The following PRKCH variants were observed in gnomAD, a reference collection of about 807,000 sequenced individuals.
PRKCH encodes protein kinase C eta type.
Under a neutral mutation model 82.5 loss-of-function variants are expected in PRKCH, and 28 were observed. That is an observed-to-expected ratio of 0.34 (90% CI 0.25 to 0.47). PRKCH has a LOEUF of 0.47. PRKCH is among the 20% of genes least tolerant of loss of function. The pLI, the probability that PRKCH is intolerant of heterozygous loss-of-function variation, is 1.00. For missense variants in PRKCH, 705 were observed against 881.8 expected, an observed-to-expected ratio of 0.80 and a Z score of 2.54; for synonymous variants, 322 against 327.4, an observed-to-expected ratio of 0.98 and a Z score of 0.18.
At chr14:61,529,905 T>TA (rs10545403) in intron 11 of PRKCH, among the ~76,000 whole-genome samples, 24 of 135,858 alleles carry the variant, frequency 1.8e-4, no homozygotes, top group African/African-American at 7.3e-4. Flanking sequence ...TAAAGTATAA[T>TA]AAAAAAAAAT....
intron 2 of PRKCH, among the ~76,000 whole-genome samples, chr14:61,434,251 A>C (rs1277465076): frequency 6.6e-6 from 1 of 152,212 alleles, no homozygotes; most frequent in African/African-American, 2.4e-5. Flanking sequence ...GTTGACAATA[A>C]TACCATTTTG....
intron 10 of PRKCH, among the ~76,000 whole-genome samples, chr14:61,486,720 G>T (rs1461698683): frequency 1.4e-5 from 2 of 145,986 alleles, no homozygotes; most frequent in African/African-American, 2.6e-5. Context: ...TGCTATTTTG[G>T]CTAGGTCGGT....
At chr14:61,276,118 T>G (rs1281903925) in intron 1 of PRKCH, among the ~76,000 whole-genome samples, 1 of 152,146 alleles carries the variant, frequency 6.6e-6, no homozygotes, top group Non-Finnish European at 1.5e-5. Context: ...TATGTAAGAA[T>G]CTCTTTGGGA....
At chr14:61,334,866 A>T (rs2045835658) in intron 1 of PRKCH, among the ~76,000 whole-genome samples, 1 of 151,916 alleles carries the variant, frequency 6.6e-6, no homozygotes, top group South Asian at 2.1e-4. Context: ...AAATTAATTA[A>T]TTAATTTATT....
intron 5 of PRKCH, among the ~76,000 whole-genome samples, chr14:61,449,643 C>T (rs1212386875): frequency 6.6e-6 from 1 of 152,244 alleles, no homozygotes; most frequent in East Asian, 1.9e-4. Context: ...CTGAATCCAG[C>T]CTCTGTTAGC....
chr14:61,285,234 A>G (rs142766025), intron 1 of PRKCH, among the ~76,000 whole-genome samples: 2 of 152,364 alleles, frequency 1.3e-5, no homozygotes, highest in Non-Finnish European at 2.9e-5. Context: ...ACACTGCCAC[A>G]CCAATGTATA....
chr14:61,358,526 T>G (rs2046181050), intron 1 of PRKCH, among the ~76,000 whole-genome samples: 1 of 152,136 alleles, frequency 6.6e-6, no homozygotes, highest in South Asian at 2.1e-4. Flanking sequence ...TGTGAGGCCT[T>G]TATCCTTACT....
intron 1 of PRKCH, among the ~76,000 whole-genome samples, chr14:61,389,635 A>G (rs1254529138): frequency 6.6e-6 from 1 of 151,758 alleles, no homozygotes; most frequent in African/African-American, 2.4e-5. Context: ...TGGGAGTTCA[A>G]GGCTGCAGTG....
At chr14:61,259,853 T>C (rs1453295827) in intron 1 of PRKCH, among the ~76,000 whole-genome samples, 2 of 152,176 alleles carry the variant, frequency 1.3e-5, no homozygotes, top group Non-Finnish European at 2.9e-5. Context: ...CCAACATGTC[T>C]GAAAGGTTAA....
At chr14:61,543,205 A>G (rs564862417) in intron 12 of PRKCH, among the ~76,000 whole-genome samples, 26 of 152,258 alleles carry the variant, frequency 1.7e-4, no homozygotes, top group African/African-American at 6.3e-4. Flanking sequence ...AATCCTTTAC[A>G]TGTCCCCTTA....
Position 61,454,031 on chromosome 14 carries a change from G to T in PRKCH, c.960+678G>T, listed in dbSNP as rs534771954. ...ATACAGTTATATGACAAGAAATAAT[G>T]AGCATGAGCAACAAGTAATAAACAG... On this transcript the variant is annotated intron_variant, in intron 7 of 13. Transcript: ENST00000332981. Among the ~76,000 whole-genome samples the T allele has an allele frequency of 3.3e-5, 5 of 152,176 alleles. No individual in the cohort carries two copies. In the East Asian group the frequency reaches 5.8e-4, roughly 18 times the overall value.
intron 1 of PRKCH, among the ~76,000 whole-genome samples, chr14:61,285,635 A>G (rs1405555958): frequency 2.6e-5 from 4 of 152,202 alleles, no homozygotes; most frequent in East Asian, 1.9e-4. Context: ...CTTTATATAC[A>G]TTGTCCCATC....
intron 1 of PRKCH, among the ~76,000 whole-genome samples, chr14:61,250,127 G>A (rs879893122): frequency 3.3e-5 from 5 of 151,016 alleles, no homozygotes; most frequent in Middle Eastern, 3.4e-3. Flanking sequence ...AGGCACGGTC[G>A]TGGGCGCCTG....
intron 1 of PRKCH, among the ~76,000 whole-genome samples, chr14:61,249,809 T>C (rs1237606337): frequency 1.3e-5 from 2 of 151,290 alleles, no homozygotes; most frequent in Non-Finnish European, 3.0e-5. Context: ...TTAGTAGAGA[T>C]GGGGTTTCAC....
chr14:61,437,258 T>C (rs1883723667), intron 2 of PRKCH, among the ~76,000 whole-genome samples: 1 of 152,230 alleles, frequency 6.6e-6, no homozygotes, highest in African/African-American at 2.4e-5. Flanking sequence ...CATCATTCTT[T>C]ATGCAAGTAG....
chr14:61,376,992 G>A (rs1011861706), intron 1 of PRKCH, among the ~76,000 whole-genome samples: 1 of 152,156 alleles, frequency 6.6e-6, no homozygotes, highest in African/African-American at 2.4e-5. Flanking sequence ...AAGTTATGGG[G>A]ATATAGATTG....
intron 1 of PRKCH, among the ~76,000 whole-genome samples, chr14:61,332,684 T>C (rs1040979176): frequency 6.6e-6 from 1 of 152,262 alleles, no homozygotes; most frequent in African/African-American, 2.4e-5. Context: ...GAGCATATTC[T>C]ATACCTCGTC....
chr14:61,222,949 A>T (rs1441999963), intron 1 of PRKCH, among the ~76,000 whole-genome samples: 3 of 152,114 alleles, frequency 2.0e-5, no homozygotes, highest in African/African-American at 7.2e-5. Context: ...AACCTGGGAG[A>T]TATTTTCAGC....
At position 61,530,084 on chromosome 14, in the gene PRKCH, C is replaced by T. The variant is rs570222833; in HGVS notation, c.1573-323C>T. On this transcript the variant is annotated intron_variant, in intron 11 of 13. Coordinates refer to ENST00000332981, the MANE Select transcript of PRKCH (RefSeq NM_006255.5). ...GGCTCTTGAATCCTTGAATCCTTCC[C>T]GTATGAGTGAGTGAACCCAGTCCCC... is the stretch of plus-strand genomic sequence containing the variant. Among the ~76,000 whole-genome samples the T allele has an allele frequency of 7.9e-5, 12 of 152,236 alleles. No homozygotes were observed. The South Asian group carries it at 2.3e-3, about 29-fold the overall frequency.
Sources: gnomAD v4.1 joint callset for allele counts (sites outside exome capture counted in the v4.1 genomes callset) on GRCh38, gnomAD v4.1.1 for gene constraint, MANE v1.5 for transcripts, NCBI Gene and HGNC (gene_info 2026-07-23, HGNC 2026-07-21) for gene names.